The following CSTF2 variants were observed in gnomAD, a reference collection of about 807,000 sequenced individuals.
The protein encoded by CSTF2 is cleavage stimulation factor subunit 2.
Under a neutral mutation model 45.4 loss-of-function variants are expected in CSTF2, and 8 were observed. The observed-to-expected ratio is 0.18, with a 90% CI of 0.10 to 0.32. CSTF2 has a LOEUF of 0.32. CSTF2 is among the 10% of genes least tolerant of loss of function. The pLI is 1.00. For missense variants in CSTF2, 253 were observed against 477.1 expected (o/e 0.53, Z 4.38); for synonymous variants, 155 against 158.9 (o/e 0.98, Z 0.18).
chrX:100,823,329 T>C lies in CSTF2; in HGVS notation c.345T>C (p.Tyr115=), dbSNP rs923929032. The part of the protein sequence containing the change: ...GTGAPVIESP[Y]GETISPEDAP... ...GTGCCCCTGTCATTGAGTCACCTTA[T>C]GGAGAGACCATCAGTCCTGAGGATG... is the stretch of plus-strand genomic sequence containing the variant. Residue 115 remains tyrosine, a synonymous_variant, in exon 4 of 14, where the codon TAT becomes TAC. Coordinates refer to ENST00000372972, the MANE Select transcript of CSTF2 (RefSeq NM_001325.3). 2 of 1,211,096 alleles carry C rather than the reference T, an allele frequency of 1.7e-6. No homozygotes were observed. The highest frequency in any genetic ancestry group is 3.5e-5 in the African/African-American group (2 of 57,522).
At chrX:100,838,159 G>A (rs2085020235) in intron 12 of CSTF2, 80 bp from the exon 13 acceptor site, 2 of 981,150 alleles carry the variant, frequency 2.0e-6, no homozygotes, top group Admixed American at 6.9e-5. Context: ...ACAGAAGCTG[G>A]TGGTGGGTTT....
At chrX:100,822,915 A>G (rs1029020875) in intron 3 of CSTF2, among the ~76,000 whole-genome samples, 1 of 111,231 alleles carries the variant, frequency 9.0e-6, no homozygotes, top group Admixed American at 9.5e-5. Context: ...CAAATTCATC[A>G]AGCCATTAGT....
Position 100,841,506 on chromosome X carries a change from CAG to C in CSTF2, c.*798_*799del, listed in dbSNP as rs2085039223. Among the ~76,000 whole-genome samples, 1 of 112,054 alleles carries C rather than the reference CAG, an allele frequency of 8.9e-6. No individual in the cohort carries two copies. The highest frequency in any genetic ancestry group is 1.9e-5 in the Non-Finnish European group (1 of 53,229). Reference sequence around the variant, plus strand: ...TCACATGCTCAAGATGAAATAAAAACAGAAATCAAATGAACAAAATACATTTC... The same window carrying C: ...TCACATGCTCAAGATGAAATAAAAACAAATCAAATGAACAAAATACATTTC... On this transcript the variant is annotated 3_prime_UTR_variant, in exon 14 of 14. Coordinates refer to ENST00000372972, the MANE Select transcript of CSTF2 (RefSeq NM_001325.3).
At chrX:100,821,492 C>G in intron 1 of CSTF2, 35 bp from the exon 2 acceptor site, 1 of 1,012,391 alleles carries the variant, frequency 9.9e-7, no homozygotes, top group Non-Finnish European at 1.4e-6. Context: ...ATGTTATAAA[C>G]TCAGAATTTT....
At chrX:100,832,963 T>G in intron 10 of CSTF2, 54 bp downstream of exon 10, 1 of 1,095,730 alleles carries the variant, frequency 9.1e-7, no homozygotes, top group Non-Finnish European at 1.2e-6. Context: ...TCTTAGGCTC[T>G]AATCTGGGAT....
chrX:100,829,528 A>G (rs1602368960), intron 8 of CSTF2, among the ~76,000 whole-genome samples: 1 of 111,511 alleles, frequency 9.0e-6, no homozygotes, highest in East Asian at 2.8e-4. Flanking sequence ...ACACACATAT[A>G]TATACACACA....
chrX:100,826,877 G>T, intron 7 of CSTF2, 120 bp downstream of exon 7: 1 of 671,469 alleles, frequency 1.5e-6, no homozygotes. Context: ...CAGCTAGAAA[G>T]TATATATCTT....
At chrX:100,837,315 T>C in intron 11 of CSTF2, 24 bp from the exon 12 acceptor site, 1 of 1,125,135 alleles carries the variant, frequency 8.9e-7, no homozygotes, top group Non-Finnish European at 1.2e-6. Context: ...GCCAAAAATC[T>C]CTCTTTTCTC....
rs770197489 is a variant in CSTF2 at position 100,833,102 on chromosome X, A to G, written c.1208-78A>G. On this transcript the variant is annotated intron_variant, in intron 10 of 13. Coordinates refer to ENST00000372972, the MANE Select transcript of CSTF2 (RefSeq NM_001325.3). ...ACAAATGTGACTAGAAGAGATTTCT[A>G]TCTTTCTTGGATTGTTCATCATTCT... 4.7e-5 allele frequency: 51 copies of G among 1,075,368 alleles called. 1 individual carries two copies. In the South Asian group the frequency reaches 8.0e-4, roughly 17 times the overall value. The allele number at this position is 1,075,368 out of a possible 1,213,427, so 88.6% of individuals were successfully genotyped here.
At chrX:100,832,221 A>G (rs897339100) in intron 9 of CSTF2, among the ~76,000 whole-genome samples, 1 of 111,957 alleles carries the variant, frequency 8.9e-6, no homozygotes, top group Non-Finnish European at 1.9e-5. Context: ...CCATTTCAAA[A>G]GTAAATAAAT....
intron 11 of CSTF2, among the ~76,000 whole-genome samples, chrX:100,834,085 A>T (rs2084993177): frequency 9.0e-6 from 1 of 111,718 alleles, no homozygotes; most frequent in Non-Finnish European, 1.9e-5. Context: ...CCTCTCTTTT[A>T]TTTGGATCTC....
intron 8 of CSTF2, chrX:100,830,912 G>A: frequency 9.6e-7 from 1 of 1,038,783 alleles, no homozygotes; most frequent in Non-Finnish European, 1.3e-6. Flanking sequence ...TGGTGTTCAG[G>A]GTGGGACGTT....
At chrX:100,832,457 G>T (rs2084981610) in intron 9 of CSTF2, among the ~76,000 whole-genome samples, 1 of 111,971 alleles carries the variant, frequency 8.9e-6, no homozygotes, top group Non-Finnish European at 1.9e-5. Flanking sequence ...AACCCATACA[G>T]TCTGAATCCA....
chrX:100,827,923 T>G, intron 7 of CSTF2, 117 bp from the exon 8 acceptor site: 1 of 487,093 alleles, frequency 2.1e-6, no homozygotes, highest in Non-Finnish European at 3.4e-6. Context: ...ATATCTTCCT[T>G]TGTAGGTTTC....
chrX:100,835,473 T>A (rs188991550), intron 11 of CSTF2, among the ~76,000 whole-genome samples: 88 of 110,108 alleles, frequency 8.0e-4, no homozygotes, highest in African/African-American at 2.7e-3. Context: ...AGATAATCAC[T>A]TTTATTAGAT....
At chrX:100,831,731 G>C in intron 9 of CSTF2, 75 bp downstream of exon 9, 1 of 1,049,937 alleles carries the variant, frequency 9.5e-7, no homozygotes, top group Non-Finnish European at 1.3e-6. Flanking sequence ...AAATCTTTCT[G>C]TACCAGTTGT....
intron 4 of CSTF2, 92 bp downstream of exon 4, chrX:100,823,520 G>A: frequency 3.0e-6 from 3 of 999,003 alleles, no homozygotes. Flanking sequence ...AATAGAAATT[G>A]TCTGTAGACC....
At chrX:100,824,673 T>A (rs1333467697) in intron 6 of CSTF2, among the ~76,000 whole-genome samples, 1 of 112,186 alleles carries the variant, frequency 8.9e-6, no homozygotes, top group Non-Finnish European at 1.9e-5. Flanking sequence ...AAAAAATTGA[T>A]ACATTTGAAA....
chrX:100,830,229 T>C (rs2084967371), intron 8 of CSTF2, among the ~76,000 whole-genome samples: 1 of 112,264 alleles, frequency 8.9e-6, no homozygotes, highest in Non-Finnish European at 1.9e-5. Flanking sequence ...GAGTATTTCT[T>C]GTGGAGTGAT....
Sources: gnomAD v4.1 joint callset for allele counts (sites outside exome capture counted in the v4.1 genomes callset) on GRCh38, gnomAD v4.1.1 for gene constraint, MANE v1.5 for transcripts, NCBI Gene and HGNC (gene_info 2026-07-23, HGNC 2026-07-21) for gene names.